Variants in CNTNAP5 observed in about 807,000 individuals in gnomAD.
The protein encoded by CNTNAP5 is contactin-associated protein-like 5.
CNTNAP5 carries 72 observed loss-of-function variants against 150.2 expected under a neutral mutation model. The ratio of observed to expected loss-of-function variants is 0.48; its 90% CI spans 0.40 to 0.58. The LOEUF (loss-of-function observed/expected upper bound fraction) is 0.58, where lower values mean the gene tolerates loss of function less well. Ranked by LOEUF, CNTNAP5 falls within the 20% of genes least tolerant of loss-of-function variation. The pLI, the probability that CNTNAP5 is intolerant of heterozygous loss-of-function variation, is 0.00. For synonymous variants in CNTNAP5, 672 were observed against 619.8 expected, an observed-to-expected ratio of 1.08 and a Z score of -1.25; for missense variants, 1,636 against 1,626.2, an observed-to-expected ratio of 1.01 and a Z score of -0.10.
At chr2:124,324,560 G>C (rs1392973923) in intron 3 of CNTNAP5, among the ~76,000 whole-genome samples, 1 of 152,244 alleles carries the variant, frequency 6.6e-6, no homozygotes, top group South Asian at 2.1e-4. Context: ...TTGGAGGGAC[G>C]GGTAAAAAGT....
chr2:124,495,672 T>G (rs896429522), intron 7 of CNTNAP5, among the ~76,000 whole-genome samples: 9 of 152,250 alleles, frequency 5.9e-5, no homozygotes, highest in Admixed American at 5.9e-4. Flanking sequence ...CTTGAAGGCC[T>G]CCTTTGGCAG....
chr2:124,538,966 A>G lies in CNTNAP5; in HGVS notation c.1649+11510A>G, dbSNP rs900409670. On this transcript the variant is annotated intron_variant, in intron 10 of 23. Coordinates refer to ENST00000682447, the MANE Select transcript of CNTNAP5 (RefSeq NM_001367498.1). ...CTGCCTTCTGCACAGCCAATGTCAC[A>G]TTAATTTTTTCCTCATTTACATTGA... Among the ~76,000 whole-genome samples, 3 of 152,202 alleles carry G rather than the reference A, an allele frequency of 2.0e-5. No homozygotes were observed. In the East Asian group the frequency reaches 5.8e-4, roughly 29 times the overall value.
intron 13 of CNTNAP5, among the ~76,000 whole-genome samples, chr2:124,731,552 G>A (rs1166569342): frequency 6.6e-6 from 1 of 151,528 alleles, no homozygotes; most frequent in African/African-American, 2.4e-5. Context: ...GGGGAGAGGA[G>A]GAGGAGAAAG....
intron 3 of CNTNAP5, among the ~76,000 whole-genome samples, chr2:124,337,580 C>G (rs1050104207): frequency 6.6e-6 from 1 of 152,114 alleles, no homozygotes; most frequent in African/African-American, 2.4e-5. Flanking sequence ...CCAGTTTCAG[C>G]TTTGTACATG....
At chr2:124,367,794 C>G (rs11683661) in intron 3 of CNTNAP5, among the ~76,000 whole-genome samples, 1 of 152,122 alleles carries the variant, frequency 6.6e-6, no homozygotes, top group East Asian at 1.9e-4. Context: ...AATGCTAACT[C>G]TTTTATTATG....
chr2:124,812,771 A>G (rs1372097381), intron 19 of CNTNAP5, among the ~76,000 whole-genome samples: 1 of 152,114 alleles, frequency 6.6e-6, no homozygotes, highest in African/African-American at 2.4e-5. Context: ...TTAAATGTAT[A>G]TGATTGATGT....
intron 1 of CNTNAP5, among the ~76,000 whole-genome samples, chr2:124,033,110 A>C (rs1681109661): frequency 6.6e-6 from 1 of 152,132 alleles, no homozygotes; most frequent in African/African-American, 2.4e-5. Context: ...GCTGGCGTAA[A>C]TTCCATGTCT....
chr2:124,266,960 T>C (rs572527582), intron 3 of CNTNAP5, among the ~76,000 whole-genome samples: 67 of 140,372 alleles, frequency 4.8e-4, no homozygotes, highest in Non-Finnish European at 8.2e-4. Context: ...GTGGGAAAGA[T>C]AGATGAGAGA....
rs775810877 is a variant in CNTNAP5, at chr2:124,527,323, C to T, written c.1516C>T (p.Pro506Ser). ...TCTCACCGATTCCCAATGTTTAAAT[C>T]CCATTAAGGCTTTCCAAGGCTGCAT... is the stretch of plus-strand genomic sequence containing the variant. The part of the protein sequence containing the change: ...DNLTDSQCLN[P>S]IKAFQGCMRL... Residue 506 changes from proline (P) to serine (S), a missense_variant, in exon 10 of 24, where the codon CCC (proline) becomes TCC (serine). Pro to Ser is a moderately conservative substitution (Grantham distance 74). Coordinates refer to ENST00000682447, the MANE Select transcript of CNTNAP5 (RefSeq NM_001367498.1). The T allele has an allele frequency of 4.3e-6, 7 of 1,613,482 alleles. No individual in the cohort carries two copies. The South Asian group carries it at 4.4e-5, about 10-fold the overall frequency.
chr2:124,832,407 A>T (rs1682735744), intron 19 of CNTNAP5, among the ~76,000 whole-genome samples: 1 of 152,140 alleles, frequency 6.6e-6, no homozygotes, highest in Non-Finnish European at 1.5e-5. Context: ...AAAATATTAT[A>T]GTTTTCATTT....
chr2:124,918,875 A>AT lies in CNTNAP5; in HGVS notation c.*4587_*4588insT, dbSNP rs1678819572. On this transcript the variant is annotated 3_prime_UTR_variant, in exon 24 of 24. Transcript: ENST00000682447. Reference sequence around the variant, plus strand: ...TGCAGACAAACTCAAAACTTTCAGAAGTCTAGGAGGATAACTGAGTGCTAT... The same window carrying AT: ...TGCAGACAAACTCAAAACTTTCAGAATGTCTAGGAGGATAACTGAGTGCTAT... 2.0e-5 allele frequency among the ~76,000 whole-genome samples: 3 copies of AT among 152,146 alleles called. No homozygotes were observed. In the South Asian group the frequency reaches 6.2e-4, roughly 31 times the overall value.
intron 1 of CNTNAP5, among the ~76,000 whole-genome samples, chr2:124,027,504 C>T (rs189498987): frequency 7.9e-5 from 12 of 152,290 alleles, no homozygotes; most frequent in African/African-American, 2.4e-4. Context: ...AATGCAACAC[C>T]TTTTCTTAAG....
chr2:124,779,164 C>T (rs895302576), intron 17 of CNTNAP5, among the ~76,000 whole-genome samples: 6 of 152,188 alleles, frequency 3.9e-5, no homozygotes, highest in African/African-American at 1.2e-4. Context: ...GAAGCTGCCT[C>T]AGCTGCAGAG....
In CNTNAP5 at chr2:124,382,783, C is replaced by A. The variant is rs1690829124; in HGVS notation, c.382-34660C>A. The stretch of plus-strand genomic sequence containing the variant: ...TCTTATCCACAAATCCTAGCTCAAA[C>A]TATTTAGTTCTTGATCGATTTTTAG... On this transcript the variant is annotated intron_variant, in intron 3 of 23. Transcript: ENST00000682447. Among the ~76,000 whole-genome samples the A allele has an allele frequency of 2.0e-5, 3 of 152,278 alleles. 1 individual carries two copies. The South Asian group carries it at 6.2e-4, about 32-fold the overall frequency.
intron 4 of CNTNAP5, among the ~76,000 whole-genome samples, chr2:124,429,619 A>G (rs1300659593): frequency 6.6e-6 from 1 of 152,220 alleles, no homozygotes; most frequent in African/African-American, 2.4e-5. Context: ...TGAGAACAGC[A>G]AAGTGTAGCT....
At chr2:124,545,270 G>A (rs1166269967) in intron 10 of CNTNAP5, among the ~76,000 whole-genome samples, 1 of 152,058 alleles carries the variant, frequency 6.6e-6, no homozygotes, top group African/African-American at 2.4e-5. Flanking sequence ...AAAACCACCT[G>A]CTCAAATCTG....
chr2:124,286,089 G>C (rs911217244), intron 3 of CNTNAP5, among the ~76,000 whole-genome samples: 2 of 152,098 alleles, frequency 1.3e-5, no homozygotes, highest in Non-Finnish European at 2.9e-5. Flanking sequence ...TTTGATAACA[G>C]AACACTAAAC....
chr2:124,710,254 A>T (rs1320321181), intron 13 of CNTNAP5, among the ~76,000 whole-genome samples: 3 of 152,132 alleles, frequency 2.0e-5, no homozygotes, highest in South Asian at 4.1e-4. Flanking sequence ...AAATCTCTTG[A>T]TTTTTAAATA....
At chr2:124,882,669 C>T (rs545927337) in intron 21 of CNTNAP5, among the ~76,000 whole-genome samples, 2 of 152,170 alleles carry the variant, frequency 1.3e-5, no homozygotes, top group Non-Finnish European at 2.9e-5. Context: ...ACATCAGCTG[C>T]TTTAGGTCTG....
Sources: gnomAD v4.1 joint callset for allele counts (sites outside exome capture counted in the v4.1 genomes callset) on GRCh38, gnomAD v4.1.1 for gene constraint, MANE v1.5 for transcripts, NCBI Gene and HGNC (gene_info 2026-07-23, HGNC 2026-07-21) for gene names.